The following CNTLN variants were observed in gnomAD, a reference collection of about 807,000 sequenced individuals.
CNTLN encodes the protein centlein, also known as centlein, centrosomal protein.
Under a neutral mutation model 180.0 loss-of-function variants are expected in CNTLN, and 212 were observed. The observed-to-expected ratio is 1.18, with a 90% CI of 1.05 to 1.32. The LOEUF is 1.32. CNTLN is among the 40% of genes most tolerant of loss of function. The pLI is 0.00. For missense variants in CNTLN, 2,095 were observed against 1,610.9 expected (o/e 1.30, Z -5.14); for synonymous variants, 722 against 563.1 (o/e 1.28, Z -3.99).
At chr9:17,179,455 A>G (rs1587026460) in intron 2 of CNTLN, among the ~76,000 whole-genome samples, 1 of 152,094 alleles carries the variant, frequency 6.6e-6, no homozygotes, top group East Asian at 1.9e-4. Flanking sequence ...TTATGTAGAA[A>G]TGTGTTATTT....
chr9:17,481,521 C>G (rs1241206820), intron 23 of CNTLN, among the ~76,000 whole-genome samples: 1 of 152,144 alleles, frequency 6.6e-6, no homozygotes, highest in Non-Finnish European at 1.5e-5. Flanking sequence ...AGAGAGAGAA[C>G]CAAGCCAATG....
chr9:17,424,683 G>T (rs532770064), intron 18 of CNTLN, among the ~76,000 whole-genome samples: 1 of 152,268 alleles, frequency 6.6e-6, no homozygotes, highest in African/African-American at 2.4e-5. Flanking sequence ...AAATTCTTAT[G>T]TTGATTAGAG....
At chr9:17,493,267 T>A (rs901398864) in intron 25 of CNTLN, among the ~76,000 whole-genome samples, 1 of 152,102 alleles carries the variant, frequency 6.6e-6, no homozygotes, top group East Asian at 1.9e-4. Context: ...TTTTAAAAAA[T>A]CTAAAGTAGG....
rs558696021 is a variant in CNTLN, at chr9:17,196,373, A to G, written c.450-29830A>G. Among the ~76,000 whole-genome samples, 5 of 152,274 alleles carry G rather than the reference A, an allele frequency of 3.3e-5. No homozygotes were observed. In the East Asian group the frequency reaches 7.7e-4, roughly 23 times the overall value. The stretch of plus-strand genomic sequence containing the variant: ...TATTTCTGATTTCCTTATTCTTTAG[A>G]CCTCAGTTTTCACATCTTTAAAAGG... On this transcript the variant is annotated intron_variant, in intron 2 of 25. Transcript: ENST00000380647.
intron 2 of CNTLN, among the ~76,000 whole-genome samples, chr9:17,182,277 T>C (rs1028050168): frequency 5.9e-5 from 9 of 152,098 alleles, no homozygotes; most frequent in Non-Finnish European, 1.3e-4. Context: ...CAGACTTTCG[T>C]TGAGGCTTTT....
At chr9:17,335,433 C>G (rs899467208) in intron 10 of CNTLN, among the ~76,000 whole-genome samples, 1 of 152,136 alleles carries the variant, frequency 6.6e-6, no homozygotes, top group East Asian at 1.9e-4. Context: ...AGGAGAATTG[C>G]TTGAACCTAG....
intron 18 of CNTLN, among the ~76,000 whole-genome samples, chr9:17,429,647 A>C (rs1404732443): frequency 2.0e-5 from 3 of 151,958 alleles, no homozygotes; most frequent in African/African-American, 7.2e-5. Context: ...GTTTTTATGC[A>C]GGAAAAAAAG....
intron 15 of CNTLN, among the ~76,000 whole-genome samples, chr9:17,396,150 C>T (rs1051343302): frequency 6.6e-6 from 1 of 152,156 alleles, no homozygotes; most frequent in Non-Finnish European, 1.5e-5. Context: ...AATAATACAC[C>T]CCTAGTTTAG....
intron 2 of CNTLN, among the ~76,000 whole-genome samples, chr9:17,207,543 A>T (rs1265237941): frequency 2.6e-5 from 4 of 152,142 alleles, no homozygotes; most frequent in African/African-American, 9.7e-5. Context: ...AAATTGTAGT[A>T]CCTGGGCTGG....
intron 2 of CNTLN, among the ~76,000 whole-genome samples, chr9:17,178,955 A>G (rs1820925839): frequency 1.3e-5 from 2 of 151,884 alleles, no homozygotes; most frequent in African/African-American, 2.4e-5. Context: ...TCAGAAGTGT[A>G]GATTATTGGC....
Position 17,484,385 on chromosome 9 carries a change from A to G in CNTLN, c.3946A>G (p.Lys1316Glu), listed in dbSNP as rs1832795259. ...AATGAAGAAAAACAGGGACGCCTGT[A>G]AAACCTCAACCCATAAAGCCCAGAC... ...KKMKKNRDAC[K>E]TSTHKAQTLA... The change falls in exon 24 of 26, where the codon AAA becomes GAA. Residue 1316 changes from lysine (K) to glutamate (E), a missense_variant. Physicochemically the swap from Lys to Glu is moderately conservative, Grantham distance 56 (BLOSUM62 1). Coordinates refer to ENST00000380647, the MANE Select transcript of CNTLN (RefSeq NM_017738.4). 1 of 1,612,932 alleles carries G rather than the reference A, an allele frequency of 6.2e-7. No homozygotes were observed.
chr9:17,398,951 A>G (rs1414333098), intron 15 of CNTLN, among the ~76,000 whole-genome samples: 9 of 152,320 alleles, frequency 5.9e-5, no homozygotes, highest in African/African-American at 1.2e-4. Flanking sequence ...ATAAAAACTA[A>G]TCACTGGAGA....
chr9:17,369,008 C>T (rs1358880772), intron 13 of CNTLN, among the ~76,000 whole-genome samples: 2 of 152,216 alleles, frequency 1.3e-5, no homozygotes, highest in African/African-American at 4.8e-5. Flanking sequence ...AGGATCAAGA[C>T]TATCCAAGTG....
At chr9:17,414,172 T>A (rs1473139696) in intron 16 of CNTLN, among the ~76,000 whole-genome samples, 1 of 152,238 alleles carries the variant, frequency 6.6e-6, no homozygotes, top group African/African-American at 2.4e-5. Context: ...CACAAGGGAT[T>A]GTCAGTTCTA....
At chr9:17,196,875 T>G (rs1421736045) in intron 2 of CNTLN, among the ~76,000 whole-genome samples, 1 of 152,050 alleles carries the variant, frequency 6.6e-6, no homozygotes, top group African/African-American at 2.4e-5. Flanking sequence ...CATTATATTA[T>G]TTTAGTTATT....
chr9:17,217,868 T>G (rs1823867040), intron 2 of CNTLN, among the ~76,000 whole-genome samples: 2 of 152,224 alleles, frequency 1.3e-5, no homozygotes, highest in South Asian at 4.1e-4. Context: ...GGTTTTGTTT[T>G]GAGTTTCAGC....
intron 2 of CNTLN, among the ~76,000 whole-genome samples, chr9:17,207,356 G>A (rs1406040797): frequency 2.0e-5 from 3 of 152,056 alleles, no homozygotes; most frequent in South Asian, 4.2e-4. Context: ...CCTTGCCAGG[G>A]GAGTGAACCG....
Position 17,343,505 on chromosome 9 carries a change from A to G in CNTLN, c.1886+1061A>G, listed in dbSNP as rs1024440128. On this transcript the variant is annotated intron_variant, in intron 12 of 25. Coordinates refer to ENST00000380647, the MANE Select transcript of CNTLN (RefSeq NM_017738.4). ...AAACTTTTGAGGAAATGACTAGACC[A>G]TATGAGATTTAAATGTTGTATGCTC... Among the ~76,000 whole-genome samples the G allele has an allele frequency of 3.9e-5, 6 of 152,328 alleles. No homozygotes were observed. The South Asian group carries it at 8.3e-4, about 21-fold the overall frequency.
At chr9:17,391,849 A>G (rs1279502711) in intron 14 of CNTLN, among the ~76,000 whole-genome samples, 1 of 152,148 alleles carries the variant, frequency 6.6e-6, no homozygotes, top group Non-Finnish European at 1.5e-5. Flanking sequence ...TTATGATCAC[A>G]TTTAATACTC....
Sources: gnomAD v4.1 joint callset for allele counts (sites outside exome capture counted in the v4.1 genomes callset) on GRCh38, gnomAD v4.1.1 for gene constraint, MANE v1.5 for transcripts, NCBI Gene and HGNC (gene_info 2026-07-23, HGNC 2026-07-21) for gene names.